The following ACBD6 variants were observed in gnomAD, a reference collection of about 807,000 sequenced individuals.
ACBD6 encodes acyl-CoA binding domain containing 6.
ACBD6 carries 28 observed loss-of-function variants against 37.2 expected under a neutral mutation model. The ratio of observed to expected loss-of-function variants is 0.75; its 90% confidence interval spans 0.56 to 1.03. The LOEUF is 1.03. ACBD6 is among the 50% of genes least tolerant of loss of function. The probability of loss-of-function intolerance (pLI) is 0.00; values close to 1 mark genes in which losing one functional copy is unlikely to be tolerated. For missense variants in ACBD6, 340 were observed against 337.4 expected, an observed-to-expected ratio of 1.01 and a Z score of -0.06; for synonymous variants, 113 against 126.8, an observed-to-expected ratio of 0.89 and a Z score of 0.73.
intron 6 of ACBD6, among the ~76,000 whole-genome samples, chr1:180,357,759 A>T (rs1032189281): frequency 1.3e-5 from 2 of 152,188 alleles, no homozygotes; most frequent in Non-Finnish European, 2.9e-5. Flanking sequence ...AGTATATGAA[A>T]GAAGGAGCAA....
intron 4 of ACBD6, among the ~76,000 whole-genome samples, chr1:180,414,644 G>C (rs1471719983): frequency 1.3e-5 from 2 of 150,348 alleles, no homozygotes; most frequent in African/African-American, 4.9e-5. Context: ...AGTATAGCTG[G>C]GATGACAAAA....
At chr1:180,490,229 C>G (rs1219498818) in intron 3 of ACBD6, among the ~76,000 whole-genome samples, 2 of 152,144 alleles carry the variant, frequency 1.3e-5, no homozygotes, top group Non-Finnish European at 2.9e-5. Context: ...TCAGGGGGCA[C>G]CTGTTTTGAG....
In ACBD6 at chr1:180,272,188, G is replaced by C. The variant is rs139705007; in HGVS notation, c.*1254-217C>G. ...GTAGTGGCCCTTTACCATGGGACAG[G>C]AGTAGGAAACAAGATTGCTGAGGTC... On this transcript the variant is annotated intron_variant, in intron 13 of 13. Transcript: ENST00000642319. Among the ~76,000 whole-genome samples, 962 of 152,156 alleles carry C rather than the reference G, an allele frequency of 6.3e-3. 10 individuals carry two copies. The highest frequency in any genetic ancestry group is 0.022 in the African/African-American group (914 of 41,496).
chr1:180,282,972 G>GTTTTT (rs34828086), intron 8 of ACBD6, among the ~76,000 whole-genome samples: 54 of 109,988 alleles, frequency 4.9e-4, no homozygotes, highest in African/African-American at 7.6e-4. Flanking sequence ...ATGTCTTTCT[G>GTTTTT]TTTTTTTTTT....
At chr1:180,475,585 G>A (rs1279635205) in intron 3 of ACBD6, among the ~76,000 whole-genome samples, 2 of 152,004 alleles carry the variant, frequency 1.3e-5, no homozygotes, top group Admixed American at 6.6e-5. Context: ...AGGTCTTGCT[G>A]TATTGCCCAG....
chr1:180,452,253 C>T (rs758679826), intron 3 of ACBD6, among the ~76,000 whole-genome samples: 10 of 152,156 alleles, frequency 6.6e-5, no homozygotes, highest in Admixed American at 3.9e-4. Context: ...GGGCAGATCA[C>T]GAGGTCAAGA....
rs1422795528 is a variant in ACBD6, at chr1:180,374,867, T to C, written c.663+22649A>G. 3.3e-5 allele frequency among the ~76,000 whole-genome samples: 5 copies of C among 152,232 alleles called. No individual in the cohort carries two copies. The East Asian group carries it at 9.6e-4, about 29-fold the overall frequency. ...AAAAACTTAAAAACAGTAAACATTT[T>C]ATAGCAAAAATATTAAACATTTAAG... is the stretch of plus-strand genomic sequence containing the variant. On this transcript the variant is annotated intron_variant, in intron 6 of 7. Coordinates refer to ENST00000367595, the MANE Select transcript of ACBD6 (RefSeq NM_032360.4).
At chr1:180,351,071 T>G (rs1652396207) in intron 6 of ACBD6, among the ~76,000 whole-genome samples, 1 of 152,182 alleles carries the variant, frequency 6.6e-6, no homozygotes, top group South Asian at 2.1e-4. Context: ...GTAATCTGTA[T>G]GCAGAATTTC....
At chr1:180,370,846 G>C (rs1558270121) in intron 6 of ACBD6, among the ~76,000 whole-genome samples, 1 of 148,376 alleles carries the variant, frequency 6.7e-6, no homozygotes, top group Non-Finnish European at 1.5e-5. Context: ...TTTGCCATCA[G>C]AGAGGAGTTG....
At chr1:180,424,331 T>C (rs1648496429) in intron 4 of ACBD6, among the ~76,000 whole-genome samples, 1 of 152,196 alleles carries the variant, frequency 6.6e-6, no homozygotes, top group East Asian at 1.9e-4. Context: ...TAATAAATGG[T>C]CAATAAATGT....
intron 6 of ACBD6, among the ~76,000 whole-genome samples, chr1:180,347,350 T>G (rs1652223917): frequency 7.0e-6 from 1 of 142,266 alleles, no homozygotes; most frequent in African/African-American, 2.6e-5. Flanking sequence ...ACTTAATTTT[T>G]CAACAGAAAG....
intron 6 of ACBD6, among the ~76,000 whole-genome samples, chr1:180,379,726 C>CA (rs1005857507): frequency 5.3e-5 from 8 of 151,894 alleles, no homozygotes; most frequent in Admixed American, 3.3e-4. Flanking sequence ...GAAAAGAGAA[C>CA]AAAAAAACAA....
chr1:180,325,688 G>A (rs919170253), intron 6 of ACBD6, among the ~76,000 whole-genome samples: 7 of 152,140 alleles, frequency 4.6e-5, no homozygotes, highest in African/African-American at 9.7e-5. Flanking sequence ...ATTTGGGCAC[G>A]TTTGTGCCCA....
intron 3 of ACBD6, among the ~76,000 whole-genome samples, chr1:180,442,534 C>T (rs1649321705): frequency 6.6e-6 from 1 of 152,148 alleles, no homozygotes; most frequent in Non-Finnish European, 1.5e-5. Flanking sequence ...CCATTATTAA[C>T]TAAATTTTGT....
intron 4 of ACBD6, among the ~76,000 whole-genome samples, chr1:180,413,860 C>T (rs1167162486): frequency 1.3e-5 from 2 of 152,154 alleles, no homozygotes; most frequent in African/African-American, 4.8e-5. Flanking sequence ...CAGCACTCTT[C>T]TAAGTATATT....
chr1:180,376,353 A>G (rs776636707), intron 6 of ACBD6, among the ~76,000 whole-genome samples: 13 of 152,238 alleles, frequency 8.5e-5, no homozygotes, highest in Non-Finnish European at 1.8e-4. Context: ...GTACACCTCC[A>G]ACAACATGAA....
At chr1:180,284,212 G>A (rs1445148642), downstream of ACBD6, among the ~76,000 whole-genome samples, 2 of 152,176 alleles carry the variant, frequency 1.3e-5, no homozygotes, top group African/African-American at 2.4e-5. Context: ...ATTTTTTCTT[G>A]AGTCTGATAA....
Position 180,430,247 on chromosome 1 carries a change from C to A in ACBD6, c.400G>T (p.Gly134Ter), listed in dbSNP as rs1216915871. 6.2e-7 allele frequency: 1 copy of A among 1,613,000 alleles called. No homozygotes were observed. Among genetic ancestry groups the A allele is most frequent in the Non-Finnish European group, 8.5e-7 (1 of 1,179,592 alleles). ...GWNPQIPEKK[G>*]KEANTGFGGP... ...CCAAAACCTGTATTTGCTTCTTTTC[C>A]TTTCTTCTCTGGTATCTGTGGGAAG... Residue 134 changes from glycine (G) to a stop codon, truncating the protein, a stop_gained, in exon 4 of 8, where the codon GGA (glycine) becomes TGA (stop). Coordinates refer to ENST00000367595, the MANE Select transcript of ACBD6 (RefSeq NM_032360.4). LOFTEE classifies it high-confidence loss of function.
intron 3 of ACBD6, among the ~76,000 whole-genome samples, chr1:180,473,594 A>T (rs67517246): frequency 0.11 from 16,171 of 152,212 alleles, 1,235 homozygotes; most frequent in African/African-American, 0.21. Flanking sequence ...AATTTCAAAA[A>T]CTGTAAAAAG....
Sources: allele counts gnomAD v4.1 joint callset (sites outside exome capture counted in the v4.1 genomes callset), GRCh38; gene constraint gnomAD v4.1.1; transcripts MANE v1.5; gene names NCBI Gene and HGNC (gene_info 2026-07-23, HGNC 2026-07-21).